Variants in LRFN5 observed in about 807,000 individuals in gnomAD.
The protein encoded by LRFN5 is leucine rich repeat and fibronectin type III domain containing 5.
A neutral mutation model predicts 45.6 loss-of-function variants in LRFN5; 24 were observed. The observed-to-expected ratio is 0.53, with a 90% confidence interval of 0.38 to 0.74. LRFN5 has a LOEUF of 0.74. Among genes scored for constraint, LRFN5 ranks in the 30% least tolerant of loss-of-function variants. LRFN5 has a pLI of 0.00. For missense variants in LRFN5, 776 were observed against 861.5 expected, an observed-to-expected ratio of 0.90 and a Z score of 1.24; for synonymous variants, 340 against 313.8, an observed-to-expected ratio of 1.08 and a Z score of -0.88.
At chr14:41,845,039 A>G (rs1889011662) in intron 2 of LRFN5, among the ~76,000 whole-genome samples, 1 of 152,116 alleles carries the variant, frequency 6.6e-6, no homozygotes, top group South Asian at 2.1e-4. Flanking sequence ...CAGAAATTCT[A>G]CCTCTAGATT....
chr14:41,845,755 A>G (rs1233500922), intron 2 of LRFN5, among the ~76,000 whole-genome samples: 3 of 152,210 alleles, frequency 2.0e-5, no homozygotes, highest in East Asian at 1.9e-4. Context: ...CTACCCAACA[A>G]TAAGAGTATT....
chr14:41,787,623 C>G (rs1340226509), intron 2 of LRFN5, among the ~76,000 whole-genome samples: 1 of 151,408 alleles, frequency 6.6e-6, no homozygotes, highest in East Asian at 1.9e-4. Flanking sequence ...TTTTGCTGAA[C>G]ATGGTATTAT....
At chr14:41,712,840 G>A (rs1167838492) in intron 1 of LRFN5, among the ~76,000 whole-genome samples, 2 of 151,976 alleles carry the variant, frequency 1.3e-5, no homozygotes, top group Non-Finnish European at 1.5e-5. Flanking sequence ...GATGTGTGGT[G>A]ATGAATATGT....
At chr14:41,669,852 T>C (rs1339794010) in intron 1 of LRFN5, among the ~76,000 whole-genome samples, 13 of 151,598 alleles carry the variant, frequency 8.6e-5, no homozygotes, top group Non-Finnish European at 1.8e-4. Context: ...TAAAATGGAA[T>C]GCTCTCTGAC....
At chr14:41,837,460 C>T (rs1256768187) in intron 2 of LRFN5, among the ~76,000 whole-genome samples, 1 of 152,100 alleles carries the variant, frequency 6.6e-6, no homozygotes, top group African/African-American at 2.4e-5. Context: ...ATGGAGAGAC[C>T]TCTGAATCAG....
chr14:41,817,892 G>T (rs1887975838), intron 2 of LRFN5, among the ~76,000 whole-genome samples: 1 of 152,086 alleles, frequency 6.6e-6, no homozygotes, highest in African/African-American at 2.4e-5. Flanking sequence ...ATAGATAGTG[G>T]TTCCTTCTGA....
chr14:41,871,039 T>C (rs1456192862), intron 2 of LRFN5, among the ~76,000 whole-genome samples: 1 of 152,022 alleles, frequency 6.6e-6, no homozygotes, highest in Non-Finnish European at 1.5e-5. Context: ...CAATCATATC[T>C]GATAAATATT....
chr14:41,820,044 A>G (rs1888060651), intron 2 of LRFN5, among the ~76,000 whole-genome samples: 1 of 151,826 alleles, frequency 6.6e-6, no homozygotes, highest in Non-Finnish European at 1.5e-5. Flanking sequence ...ATAGTTTCCA[A>G]ATATGTTCTC....
intron 4 of LRFN5, among the ~76,000 whole-genome samples, chr14:41,895,561 G>C (rs936197438): frequency 6.6e-6 from 1 of 152,066 alleles, no homozygotes; most frequent in Admixed American, 6.6e-5. Flanking sequence ...GGAGGTGGAG[G>C]TGGCAGTGAA....
chr14:41,770,113 A>T (rs1886027171), intron 2 of LRFN5, among the ~76,000 whole-genome samples: 1 of 152,136 alleles, frequency 6.6e-6, no homozygotes, highest in Non-Finnish European at 1.5e-5. Flanking sequence ...ACTCTTTTTA[A>T]CAACCGGATC....
intron 2 of LRFN5, among the ~76,000 whole-genome samples, chr14:41,853,923 A>G (rs1462210334): frequency 6.6e-6 from 1 of 152,144 alleles, no homozygotes; most frequent in Non-Finnish European, 1.5e-5. Context: ...ATTCTAAACC[A>G]ATCAGTATTC....
chr14:41,883,517 G>C (rs181183611), intron 2 of LRFN5, among the ~76,000 whole-genome samples: 46 of 152,218 alleles, frequency 3.0e-4, no homozygotes, highest in Admixed American at 1.8e-3. Flanking sequence ...TGAAGAAACT[G>C]TTTCTCTTAA....
At chr14:41,880,588 G>A (rs1447566722) in intron 2 of LRFN5, among the ~76,000 whole-genome samples, 1 of 152,028 alleles carries the variant, frequency 6.6e-6, no homozygotes, top group Non-Finnish European at 1.5e-5. Context: ...GAAAGAATGT[G>A]TATTCTCTAT....
chr14:41,878,259 GT>G (rs1409068613), intron 2 of LRFN5, among the ~76,000 whole-genome samples: 1 of 152,034 alleles, frequency 6.6e-6, no homozygotes, highest in Non-Finnish European at 1.5e-5. Context: ...ATTAACATTT[GT>G]CCCCAGACAT....
intron 2 of LRFN5, among the ~76,000 whole-genome samples, chr14:41,873,685 C>A (rs1890098949): frequency 2.0e-5 from 3 of 152,068 alleles, no homozygotes; most frequent in Admixed American, 2.0e-4. Flanking sequence ...ACTAGGCTAC[C>A]TCAATGCCCA....
chr14:41,778,926 T>G (rs562572177), intron 2 of LRFN5, among the ~76,000 whole-genome samples: 1 of 151,842 alleles, frequency 6.6e-6, no homozygotes. Context: ...GGATTTTCTA[T>G]GTAGACAGAC....
At chr14:41,828,194 C>G (rs1029182446) in intron 2 of LRFN5, among the ~76,000 whole-genome samples, 2 of 151,956 alleles carry the variant, frequency 1.3e-5, no homozygotes, top group Non-Finnish European at 2.9e-5. Flanking sequence ...ACCTTTCAAA[C>G]TCAAAATAGT....
In LRFN5 at chr14:41,889,679, A is replaced by G. The variant is rs187237063; in HGVS notation, c.1386-1571A>G. Among the ~76,000 whole-genome samples, 591 of 152,296 alleles carry G rather than the reference A, an allele frequency of 3.9e-3. 5 individuals are homozygous for G. The highest frequency in any genetic ancestry group is 4.8e-3 in the Non-Finnish European group (327 of 68,026). On this transcript the variant is annotated intron_variant, in intron 3 of 5. Coordinates refer to ENST00000298119, the MANE Select transcript of LRFN5 (RefSeq NM_152447.5). ...CCTGACCCTTTTTGTCATTTGTAAA[A>G]TAGTGATAATGCCTGTCTCATAAGG...
At chr14:41,724,858 C>T (rs1334101953) in intron 1 of LRFN5, among the ~76,000 whole-genome samples, 1 of 152,192 alleles carries the variant, frequency 6.6e-6, no homozygotes, top group Non-Finnish European at 1.5e-5. Context: ...ATTTTTCCTA[C>T]TGTTTGAACT....
Sources: gnomAD v4.1 joint callset for allele counts (sites outside exome capture counted in the v4.1 genomes callset) on GRCh38, gnomAD v4.1.1 for gene constraint, MANE v1.5 for transcripts, NCBI Gene and HGNC (gene_info 2026-07-23, HGNC 2026-07-21) for gene names.